The following KDR variants were observed in gnomAD, a reference collection of about 807,000 sequenced individuals.
KDR encodes vascular endothelial growth factor receptor 2.
Under a neutral mutation model 160.9 loss-of-function variants are expected in KDR, and 43 were observed. The observed-to-expected ratio is 0.27, with a 90% CI of 0.21 to 0.34. The LOEUF is 0.34. Ranked by LOEUF, KDR falls within the 10% of genes least tolerant of loss-of-function variation. The probability of loss-of-function intolerance (pLI) is 1.00; values close to 1 mark genes in which losing one functional copy is unlikely to be tolerated. For synonymous variants in KDR, 617 were observed against 600.1 expected, an observed-to-expected ratio of 1.03 and a Z score of -0.41; for missense variants, 1,469 against 1,666.4, an observed-to-expected ratio of 0.88 and a Z score of 2.06.
chr4:55,088,773 G>A (rs868272211), intron 26 of KDR, 95 bp downstream of exon 26: 6 of 802,030 alleles, frequency 7.5e-6, no homozygotes, highest in African/African-American at 6.7e-5. Flanking sequence ...ATGGCTGAGA[G>A]GATGGCATGG....
rs189391807 is a variant in KDR, at chr4:55,121,038, C to T, written c.161+59G>A. On this transcript the variant is annotated intron_variant, in intron 2 of 29. Coordinates refer to ENST00000263923, the MANE Select transcript of KDR (RefSeq NM_002253.4). ...ATTCTGCTCTACTGGAAATTATTTC[C>T]ACTCAATAAACAATCAGTTACTTAA... 1.5e-5 allele frequency: 18 copies of T among 1,171,740 alleles called. No individual in the cohort carries two copies. The African/African-American group carries it at 2.7e-4, about 18-fold the overall frequency. The allele number at this position is 1,171,740 out of a possible 1,614,324, so 72.6% of individuals were successfully genotyped here.
intron 3 of KDR, 28 bp from the exon 4 acceptor site, chr4:55,115,439 AG>A: frequency 5.8e-6 from 7 of 1,203,676 alleles, no homozygotes; most frequent in Non-Finnish European, 8.7e-6. Context: ...TTTATTAATG[AG>A]TTAATAGTAT....
chr4:55,084,830 C>T (rs1719819088), intron 27 of KDR, among the ~76,000 whole-genome samples: 1 of 152,202 alleles, frequency 6.6e-6, no homozygotes, highest in South Asian at 2.1e-4. Context: ...GTTCTCTTGT[C>T]ATGCATGCAC....
Position 55,098,219 on chromosome 4 carries a change from A to C in KDR, c.2427T>G (p.Asp809Glu), listed in dbSNP as rs751712488. 7.4e-6 allele frequency: 12 copies of C among 1,613,748 alleles called. No individual in the cohort carries two copies. The East Asian group carries it at 2.7e-4, about 36-fold the overall frequency. Residue 809 changes from aspartate to glutamate, a missense_variant, in exon 17 of 30, where the codon GAT becomes GAG. Physicochemically the swap from Asp to Glu is conservative, Grantham distance 45. Coordinates refer to ENST00000263923, the MANE Select transcript of KDR (RefSeq NM_002253.4). Reference sequence around the variant, plus strand: ...CACAATGTTCATCCAATGGGAGTTCATCTGGATCCATGACGATGGACAAGT... The same window carrying C: ...CACAATGTTCATCCAATGGGAGTTCCTCTGGATCCATGACGATGGACAAGT... ...TGYLSIVMDP[D>E]ELPLDEHCER...
chr4:55,082,818 T>C (rs76817373), intron 27 of KDR, among the ~76,000 whole-genome samples, 183 bp from the exon 28 acceptor site: 1 of 152,208 alleles, frequency 6.6e-6, no homozygotes, highest in East Asian at 1.9e-4. Context: ...CCTGAGAAAG[T>C]ACATTTAAAA....
intron 27 of KDR, among the ~76,000 whole-genome samples, chr4:55,083,116 C>A (rs188039268): frequency 6.6e-6 from 1 of 152,190 alleles, no homozygotes; most frequent in Non-Finnish European, 1.5e-5. Flanking sequence ...ATACTGAACC[C>A]AGCAGTGATT....
intron 1 of KDR, among the ~76,000 whole-genome samples, chr4:55,121,480 G>C (rs1220562736): frequency 6.6e-6 from 1 of 152,166 alleles, no homozygotes; most frequent in Non-Finnish European, 1.5e-5. Context: ...AAAAGGATAC[G>C]GGACATTGAA....
At position 55,095,581 on chromosome 4, in the gene KDR, T is replaced by C. The variant is rs746055466; in HGVS notation, c.2813A>G (p.Tyr938Cys). 3 of 1,606,896 alleles carry C rather than the reference T, an allele frequency of 1.9e-6. No homozygotes were observed. Among genetic ancestry groups the C allele is most frequent in the South Asian group, 1.1e-5 (1 of 90,954 alleles). Residue 938 changes from tyrosine (Y) to cysteine (C), a missense_variant, in exon 20 of 30, where the codon TAC becomes TGC. This residue lies in a region of KDR where 151 missense variants were observed against 207.2 expected (regional missense o/e 0.73). Transcript: ENST00000263923. ...CAGGATTAGGAGATGACATACCTTGTAGGGGACAAATTCATTTCTCTTGCT... is the reference window on the plus strand; with the variant it reads ...CAGGATTAGGAGATGACATACCTTGCAGGGGACAAATTCATTTCTCTTGCT... ...LRSKRNEFVP[Y>C]KTKGARFRQG...
intron 15 of KDR, among the ~76,000 whole-genome samples, chr4:55,099,618 A>G (rs1720259661): frequency 6.6e-6 from 1 of 152,182 alleles, no homozygotes; most frequent in Non-Finnish European, 1.5e-5. Flanking sequence ...AATAAACAAA[A>G]TTTTTTGACC....
intron 22 of KDR, among the ~76,000 whole-genome samples, chr4:55,091,993 T>C (rs1165591247): frequency 6.6e-6 from 1 of 152,218 alleles, no homozygotes; most frequent in East Asian, 1.9e-4. Context: ...TTTCTAATTA[T>C]ACTCCTAACA....
intron 29 of KDR, 43 bp downstream of exon 29, chr4:55,081,913 A>C (rs1296224183): frequency 7.1e-7 from 1 of 1,406,186 alleles, no homozygotes; most frequent in Non-Finnish European, 1.0e-6. Flanking sequence ...TCCTTCCAAA[A>C]ATTCCTATTG....
At chr4:55,098,617 A>G in intron 16 of KDR, 80 bp downstream of exon 16, 1 of 1,076,772 alleles carries the variant, frequency 9.3e-7, no homozygotes, top group Non-Finnish European at 1.4e-6. Context: ...AATGGGAAGA[A>G]ACAACTCAAA....
rs587778427 is a variant in KDR, at chr4:55,081,996, T to G, written c.3808A>C (p.Lys1270Gln). ...AATTTGGTTCTGTCTTCCAAAGTTT[T>G]CAGCTCTTCTGAGGCAAGAACCATA... is the stretch of plus-strand genomic sequence containing the variant. Reference protein sequence around the residue: ...SGMVLASEELKTLEDRTKLSP... With the variant: ...SGMVLASEELQTLEDRTKLSP... The change falls in exon 29 of 30, where the codon AAA (lysine) becomes CAA (glutamine). Residue 1270 changes from lysine to glutamine, a missense_variant. Lys to Gln is a moderately conservative substitution (Grantham distance 53). Transcript: ENST00000263923. The G allele has an allele frequency of 1.2e-4, 199 of 1,613,898 alleles. No homozygotes were observed. The highest frequency in any genetic ancestry group is 1.6e-4 in the Non-Finnish European group (189 of 1,179,852).
Position 55,101,896 on chromosome 4 carries a change from CCTT to C in KDR, c.2264_2266del (p.Glu755del). On this transcript the variant is annotated inframe_deletion and splice_region_variant, in exon 15 of 30. Transcript: ENST00000263923. ...ACCACATTTTTTTTTATCCCACTGACCTTCTATTATGAAAAATGCCTCCACTTT... is the reference window on the plus strand; with the variant it reads ...ACCACATTTTTTTTTATCCCACTGACCTATTATGAAAAATGCCTCCACTTT... 1 of 1,612,512 alleles carries C rather than the reference CCTT, an allele frequency of 6.2e-7. No homozygotes were observed. The highest frequency in any genetic ancestry group is 8.5e-7 in the Non-Finnish European group (1 of 1,179,086).
chr4:55,080,091 G>A lies in KDR; in HGVS notation c.3921C>T (p.Ser1307=), dbSNP rs199769280. The A allele has an allele frequency of 8.6e-5, 139 of 1,614,074 alleles. No homozygotes were observed. The highest frequency in any genetic ancestry group is 3.5e-4 in the Admixed American group (21 of 60,018). The change falls in exon 30 of 30, where the codon TCC becomes TCT. Residue 1307 remains serine, a synonymous_variant. Coordinates refer to ENST00000263923, the MANE Select transcript of KDR (RefSeq NM_002253.4). ...EGSNQTSGYQ[S]GYHSDDTDTT... ...TGTCTGTGTCATCGGAGTGATATCC[G>A]GACTGGTAGCCGCTTGTCTGGTTTG...
In KDR at chr4:55,082,117, C is replaced by T; in HGVS notation, c.3763-76G>A. 7.7e-6 allele frequency: 8 copies of T among 1,033,376 alleles called. No individual in the cohort carries two copies. The South Asian group carries it at 8.9e-5, about 11-fold the overall frequency. The allele number at this position is 1,033,376 out of a possible 1,614,324, so 64.0% of individuals were successfully genotyped here. ...CAACTATTTAATTAAGCTGATTTCT[C>T]AACCCATCTATCATGTCTATCAAAT... On this transcript the variant is annotated intron_variant, in intron 28 of 29. Transcript: ENST00000263923.
At chr4:55,099,490 T>C (rs1019171226) in intron 15 of KDR, among the ~76,000 whole-genome samples, 15 of 152,004 alleles carry the variant, frequency 9.9e-5, no homozygotes, top group African/African-American at 3.6e-4. Context: ...GATCATTCTC[T>C]ACAGAGAAAA....
chr4:55,085,561 G>T (rs28478981), intron 27 of KDR, among the ~76,000 whole-genome samples: 14,763 of 152,204 alleles, frequency 0.097, 1,218 homozygotes, highest in African/African-American at 0.23. Flanking sequence ...AATGAAGCAT[G>T]CCGTGTGCAA....
At chr4:55,098,982 AATTT>A (rs71930411) in intron 15 of KDR, among the ~76,000 whole-genome samples, 179 bp from the exon 16 acceptor site, 14,997 of 142,920 alleles carry the variant, frequency 0.1, 829 homozygotes, top group East Asian at 0.24. Context: ...TTTTGAATTT[AATTT>A]ATTTATTTAT....
Sources: gnomAD v4.1 joint callset for allele counts (sites outside exome capture counted in the v4.1 genomes callset) on GRCh38, gnomAD v4.1.1 for gene constraint, gnomAD v4.1.1 regional missense constraint, MANE v1.5 for transcripts, NCBI Gene and HGNC (gene_info 2026-07-23, HGNC 2026-07-21) for gene names.